The following NMRK1 variants were observed in gnomAD, a reference collection of about 807,000 sequenced individuals.
NMRK1 encodes nicotinamide riboside kinase 1.
Under a neutral mutation model 29.9 loss-of-function variants are expected in NMRK1, and 28 were observed. That is an observed-to-expected ratio of 0.94 (90% CI 0.69 to 1.28). The LOEUF (loss-of-function observed/expected upper bound fraction) is 1.28. Among genes scored for constraint, NMRK1 ranks in the 50% most tolerant of loss-of-function variants. NMRK1 has a pLI of 0.00. For synonymous variants in NMRK1, 58 were observed against 73.0 expected, an observed-to-expected ratio of 0.79 and a Z score of 1.05; for missense variants, 218 against 233.1, an observed-to-expected ratio of 0.94 and a Z score of 0.42.
chr9:75,069,134 C>T (rs1350363421), intron 6 of NMRK1, 32 bp from the exon 7 acceptor site: 1 of 1,397,940 alleles, frequency 7.2e-7, no homozygotes, highest in Admixed American at 1.7e-5. Flanking sequence ...TTTATGTTGA[C>T]AGAAACACAC....
At chr9:75,073,423 TA>T (rs1823812081) in intron 4 of NMRK1, among the ~76,000 whole-genome samples, 1 of 152,180 alleles carries the variant, frequency 6.6e-6, no homozygotes, top group Admixed American at 6.5e-5. Context: ...AGCAAACTAA[TA>T]CACAAAGGAA....
chr9:75,065,685 A>G (rs1476370513), intron 8 of NMRK1, among the ~76,000 whole-genome samples: 1 of 152,312 alleles, frequency 6.6e-6, no homozygotes, highest in East Asian at 1.9e-4. Flanking sequence ...TATGTGATGT[A>G]GGCCTGGCCA....
chr9:75,076,872 G>A (rs897504017), intron 4 of NMRK1, among the ~76,000 whole-genome samples: 1 of 152,176 alleles, frequency 6.6e-6, no homozygotes, highest in African/African-American at 2.4e-5. Flanking sequence ...GGCATTACAG[G>A]TGTAAGCCTC....
intron 7 of NMRK1, chr9:75,067,252 T>C: frequency 6.1e-6 from 1 of 164,854 alleles, no homozygotes; most frequent in Admixed American, 5.8e-5. Context: ...TCTTAAACAA[T>C]GCAGTGGTCT....
chr9:75,070,140 C>T (rs910560446), intron 4 of NMRK1, 98 bp from the exon 5 acceptor site: 1 of 820,036 alleles, frequency 1.2e-6, no homozygotes, highest in Admixed American at 3.2e-5. Flanking sequence ...TAAATATATA[C>T]ACCACCATTT....
chr9:75,086,908 G>GTTT (rs10652376), intron 1 of NMRK1, among the ~76,000 whole-genome samples: 24,503 of 142,930 alleles, frequency 0.17, 2,239 homozygotes, highest in South Asian at 0.25. Context: ...TCAAGGCTGG[G>GTTT]TTTTTTTTTT....
chr9:75,071,455 G>T (rs1368172330), intron 4 of NMRK1, among the ~76,000 whole-genome samples: 1 of 151,918 alleles, frequency 6.6e-6, no homozygotes, highest in Non-Finnish European at 1.5e-5. Context: ...TCAATTCTTT[G>T]TCAGATAATT....
At chr9:75,077,349 G>GATAAGT (rs1824054802) in intron 3 of NMRK1, 141 bp downstream of exon 3, 1 of 835,710 alleles carries the variant, frequency 1.2e-6, no homozygotes, top group South Asian at 1.6e-5. Flanking sequence ...CCATCTAGTG[G>GATAAGT]ATAAGTAACA....
intron 8 of NMRK1, among the ~76,000 whole-genome samples, chr9:75,065,110 C>T (rs1292779498): frequency 6.6e-6 from 1 of 152,190 alleles, no homozygotes; most frequent in African/African-American, 2.4e-5. Flanking sequence ...AGCCATCCTC[C>T]CACCTCAATA....
At chr9:75,066,013 G>T (rs1405426394) in intron 8 of NMRK1, among the ~76,000 whole-genome samples, 2 of 152,158 alleles carry the variant, frequency 1.3e-5, no homozygotes, top group African/African-American at 4.8e-5. Context: ...ACCCTAAATA[G>T]AAAGTAGAAT....
chr9:75,079,850 G>A (rs539774422), intron 2 of NMRK1, among the ~76,000 whole-genome samples: 2 of 152,286 alleles, frequency 1.3e-5, no homozygotes, highest in African/African-American at 2.4e-5. Context: ...CCTATGGCAC[G>A]CCCACAACCA....
chr9:75,061,452 T>C lies in NMRK1; in HGVS notation c.*96A>G, dbSNP rs568991672. 3 of 902,344 alleles carry C rather than the reference T, an allele frequency of 3.3e-6. No individual in the cohort carries two copies. Among genetic ancestry groups the C allele is most frequent in the Admixed American group, 2.3e-5 (1 of 42,972 alleles). 55.9% of individuals were successfully genotyped at this position (902,344 alleles called of 1,614,324 possible). ...CAAACATATGAAACAATGGCTGTCA[T>C]TGTACCACAGTATACATTGTATCTT... On this transcript the variant is annotated 3_prime_UTR_variant, in exon 9 of 9. Transcript: ENST00000361092.
intron 2 of NMRK1, among the ~76,000 whole-genome samples, chr9:75,079,391 T>C (rs141452675): frequency 8.1e-4 from 124 of 152,360 alleles, no homozygotes; most frequent in Non-Finnish European, 1.5e-3. Flanking sequence ...TTAAATGAGA[T>C]AGTGAACAGG....
At chr9:75,083,173 A>C (rs1824417902) in intron 1 of NMRK1, 23 bp from the exon 2 acceptor site, 15 of 1,239,688 alleles carry the variant, frequency 1.2e-5, no homozygotes, top group Middle Eastern at 1.8e-4. Flanking sequence ...AAACAAACAA[A>C]CAAATCAAAT....
At chr9:75,087,876 G>A (rs950399336) in intron 1 of NMRK1, 132 bp downstream of exon 1, 2 of 152,540 alleles carry the variant, frequency 1.3e-5, no homozygotes, top group Non-Finnish European at 2.9e-5. Flanking sequence ...GCTCTGTGAG[G>A]GTGGCAAGAG....
At chr9:75,084,569 G>A (rs1165610009) in intron 1 of NMRK1, among the ~76,000 whole-genome samples, 1 of 152,206 alleles carries the variant, frequency 6.6e-6, no homozygotes, top group East Asian at 1.9e-4. Flanking sequence ...CAGGCGGATT[G>A]CTTGAGCTCA....
intron 3 of NMRK1, 53 bp from the exon 4 acceptor site, chr9:75,077,260 C>T: frequency 8.4e-7 from 1 of 1,193,976 alleles, no homozygotes; most frequent in Non-Finnish European, 1.2e-6. Flanking sequence ...AGAAATAATA[C>T]AATTATAGAC....
chr9:75,061,868 T>A (rs1236685161), intron 8 of NMRK1, among the ~76,000 whole-genome samples: 2 of 152,232 alleles, frequency 1.3e-5, no homozygotes, highest in Admixed American at 1.3e-4. Context: ...CAAAGGGTAG[T>A]TGTCTGCAGT....
At chr9:75,082,765 G>A (rs1453122947) in intron 2 of NMRK1, 1 of 338,798 alleles carries the variant, frequency 3.0e-6, no homozygotes, top group African/African-American at 2.1e-5. Context: ...CGTGATGAAG[G>A]AGAATGATAT....
Sources: allele counts gnomAD v4.1 joint callset (sites outside exome capture counted in the v4.1 genomes callset), GRCh38; gene constraint gnomAD v4.1.1; transcripts MANE v1.5; gene names NCBI Gene and HGNC (gene_info 2026-07-23, HGNC 2026-07-21).